KCNIP4: variants seen among roughly 807,000 people sequenced by gnomAD.
KCNIP4 encodes Kv channel-interacting protein 4.
In KCNIP4, 12 loss-of-function variants were observed where a neutral mutation model predicts 34.0. That is an observed-to-expected ratio of 0.35 (90% confidence interval 0.23 to 0.57). The LOEUF (loss-of-function observed/expected upper bound fraction) is 0.57, where lower values mean the gene tolerates loss of function less well. KCNIP4 is among the 20% of genes least tolerant of loss of function. KCNIP4 has a pLI of 0.83. For synonymous variants in KCNIP4, 124 were observed against 102.2 expected, an observed-to-expected ratio of 1.21 and a Z score of -1.29; for missense variants, 238 against 311.7, an observed-to-expected ratio of 0.76 and a Z score of 1.78.
At chr4:20,926,515 C>G (rs1417825718) in intron 1 of KCNIP4, among the ~76,000 whole-genome samples, 4 of 152,168 alleles carry the variant, frequency 2.6e-5, no homozygotes, top group African/African-American at 9.7e-5. Context: ...CAGCTGCATT[C>G]ATGAAGAGTG....
At chr4:21,473,999 C>A (rs1463221903) in intron 1 of KCNIP4, among the ~76,000 whole-genome samples, 1 of 152,112 alleles carries the variant, frequency 6.6e-6, no homozygotes, top group African/African-American at 2.4e-5. Context: ...CAGGCGTGAG[C>A]CACCACTCCC....
In KCNIP4 at chr4:21,368,237, TACACACAC is replaced by T. The variant is rs71189694; in HGVS notation, c.62-485536_62-485529del. Among the ~76,000 whole-genome samples, 2 of 143,628 alleles carry T rather than the reference TACACACAC, an allele frequency of 1.4e-5. 1 individual carries two copies. Among genetic ancestry groups the T allele is most frequent in the African/African-American group, 5.8e-5 (2 of 34,522 alleles). 94.2% of individuals were successfully genotyped at this position (143,628 alleles called of 152,430 possible). A position where few individuals can be genotyped will look rare whatever the true frequency, so the allele number is the denominator to read the frequency against. ...GAATGACTAGAATTTAAGAAGCTGT[TACACACAC>T]ACACACACACACAATAAATATGACG... On this transcript the variant is annotated intron_variant, in intron 1 of 8. Coordinates refer to ENST00000382152, the MANE Select transcript of KCNIP4 (RefSeq NM_025221.6).
intron 1 of KCNIP4, among the ~76,000 whole-genome samples, chr4:21,129,404 A>G (rs1284551987): frequency 6.6e-6 from 1 of 152,228 alleles, no homozygotes; most frequent in Non-Finnish European, 1.5e-5. Flanking sequence ...CACGGGTGAG[A>G]AAACTTTGGT....
intron 1 of KCNIP4, among the ~76,000 whole-genome samples, chr4:21,022,356 C>A (rs1159636564): frequency 6.6e-6 from 1 of 152,200 alleles, no homozygotes; most frequent in Non-Finnish European, 1.5e-5. Flanking sequence ...CAAACTCAAA[C>A]CCATTCTTTT....
At chr4:20,946,382 G>A (rs1263805807) in intron 1 of KCNIP4, among the ~76,000 whole-genome samples, 2 of 152,114 alleles carry the variant, frequency 1.3e-5, no homozygotes, top group South Asian at 2.1e-4. Context: ...GGGGAGTTTC[G>A]AGAAACAGAG....
At chr4:21,532,098 T>C (rs1736730067) in intron 1 of KCNIP4, among the ~76,000 whole-genome samples, 1 of 152,150 alleles carries the variant, frequency 6.6e-6, no homozygotes, top group Admixed American at 6.5e-5. Context: ...ACTTTGAGTC[T>C]TGGAACACTT....
intron 3 of KCNIP4, among the ~76,000 whole-genome samples, chr4:20,805,876 A>G (rs1715013021): frequency 6.6e-6 from 1 of 152,124 alleles, no homozygotes; most frequent in Non-Finnish European, 1.5e-5. Flanking sequence ...GCTGCTCAAA[A>G]GAAATTTTTG....
intron 1 of KCNIP4, among the ~76,000 whole-genome samples, chr4:20,990,209 A>T (rs1238452254): frequency 6.6e-6 from 1 of 152,146 alleles, no homozygotes. Flanking sequence ...TACCCTCAAC[A>T]TCACCTCCAC....
intron 1 of KCNIP4, among the ~76,000 whole-genome samples, chr4:21,248,218 G>A (rs1760438255): frequency 6.6e-6 from 1 of 151,822 alleles, no homozygotes; most frequent in African/African-American, 2.4e-5. Flanking sequence ...GTGTGGGCAT[G>A]AGCTCCATGT....
intron 1 of KCNIP4, among the ~76,000 whole-genome samples, chr4:21,499,628 G>A (rs1167322053): frequency 1.3e-5 from 2 of 151,984 alleles, no homozygotes; most frequent in Non-Finnish European, 2.9e-5. Context: ...AAATTTACAT[G>A]AAGTAGAAAA....
chr4:21,666,429 G>C (rs1048460075), intron 1 of KCNIP4, among the ~76,000 whole-genome samples: 2 of 152,186 alleles, frequency 1.3e-5, no homozygotes, highest in African/African-American at 4.8e-5. Context: ...CAGTTTATGA[G>C]AGAAAAGAAC....
At chr4:21,484,874 C>T (rs1731777148) in intron 1 of KCNIP4, among the ~76,000 whole-genome samples, 1 of 152,178 alleles carries the variant, frequency 6.6e-6, no homozygotes, top group South Asian at 2.1e-4. Context: ...TTGCAGGCTA[C>T]TTGAGGGCAG....
At chr4:21,755,437 A>G (rs1244386896) in intron 1 of KCNIP4, among the ~76,000 whole-genome samples, 1 of 152,220 alleles carries the variant, frequency 6.6e-6, no homozygotes, top group Non-Finnish European at 1.5e-5. Flanking sequence ...ATGCCTAAAA[A>G]CAGCAGCGCT....
At chr4:20,783,280 G>A (rs1336940129) in intron 3 of KCNIP4, among the ~76,000 whole-genome samples, 2 of 152,092 alleles carry the variant, frequency 1.3e-5, no homozygotes, top group South Asian at 2.1e-4. Flanking sequence ...CAGTTCCTAC[G>A]TCACTTCCAC....
intron 1 of KCNIP4, among the ~76,000 whole-genome samples, chr4:21,114,359 T>C (rs1749507491): frequency 6.6e-6 from 1 of 152,188 alleles, no homozygotes. Context: ...CCCTTTTATG[T>C]TTACTGCCAC....
intron 1 of KCNIP4, among the ~76,000 whole-genome samples, chr4:21,774,170 G>A (rs1208918904): frequency 6.6e-6 from 1 of 151,968 alleles, no homozygotes; most frequent in Non-Finnish European, 1.5e-5. Context: ...GTCTGGAAAG[G>A]ATTTTATTTA....
chr4:20,876,820 C>T (rs547328147), intron 2 of KCNIP4, among the ~76,000 whole-genome samples: 1 of 152,152 alleles, frequency 6.6e-6, no homozygotes, highest in East Asian at 1.9e-4. Flanking sequence ...GATCCACCCA[C>T]CTCGGCCTCC....
At chr4:21,185,327 CA>C (rs1755133718) in intron 1 of KCNIP4, among the ~76,000 whole-genome samples, 1 of 151,906 alleles carries the variant, frequency 6.6e-6, no homozygotes, top group East Asian at 1.9e-4. Context: ...GGAATTTCGT[CA>C]GGAGTTTTCT....
intron 3 of KCNIP4, among the ~76,000 whole-genome samples, chr4:20,763,546 G>A (rs893941563): frequency 1.3e-5 from 2 of 151,928 alleles, no homozygotes; most frequent in African/African-American, 4.8e-5. Context: ...TTTTTTTGTT[G>A]TTAGAGATCA....
Sources: allele counts gnomAD v4.1 joint callset (sites outside exome capture counted in the v4.1 genomes callset), GRCh38; gene constraint gnomAD v4.1.1; transcripts MANE v1.5; gene names NCBI Gene and HGNC (gene_info 2026-07-23, HGNC 2026-07-21).